MYRIP: variants seen among roughly 807,000 people sequenced by gnomAD.
The protein encoded by MYRIP is rab effector MyRIP.
Under a neutral mutation model 98.0 loss-of-function variants are expected in MYRIP, and 49 were observed. That is an observed-to-expected ratio of 0.50 (90% confidence interval 0.40 to 0.63). The LOEUF is 0.63. Among genes scored for constraint, MYRIP ranks in the 30% least tolerant of loss-of-function variants. The probability of loss-of-function intolerance (pLI) is 0.00; values close to 1 mark genes in which losing one functional copy is unlikely to be tolerated. For missense variants in MYRIP, 1,004 were observed against 1,058.2 expected (o/e 0.95, Z 0.71); for synonymous variants, 404 against 409.5 (o/e 0.99, Z 0.16).
At chr3:39,939,010 C>T (rs915251387) in intron 2 of MYRIP, among the ~76,000 whole-genome samples, 2 of 152,148 alleles carry the variant, frequency 1.3e-5, no homozygotes, top group African/African-American at 4.8e-5. Flanking sequence ...TGATGACCCA[C>T]ACCGTCCAGC....
intron 10 of MYRIP, 64 bp downstream of exon 10, chr3:40,190,527 G>A (rs959487283): frequency 1.9e-5 from 29 of 1,511,164 alleles, no homozygotes; most frequent in Non-Finnish European, 2.5e-5. Flanking sequence ...CCTACTCCAA[G>A]CACAAGTGGC....
intron 1 of MYRIP, among the ~76,000 whole-genome samples, chr3:39,885,909 T>C (rs1943287454): frequency 6.6e-6 from 1 of 152,050 alleles, no homozygotes; most frequent in African/African-American, 2.4e-5. Flanking sequence ...TAAATTTTTT[T>C]CAAAGTTTTC....
chr3:40,023,736 TAC>T (rs1035930874), intron 2 of MYRIP, among the ~76,000 whole-genome samples: 1 of 152,170 alleles, frequency 6.6e-6, no homozygotes, highest in African/African-American at 2.4e-5. Context: ...CCCCCTGTGC[TAC>T]ACAGAGGAGA....
chr3:39,886,929 A>C (rs1379844966), intron 1 of MYRIP, among the ~76,000 whole-genome samples: 1 of 152,120 alleles, frequency 6.6e-6, no homozygotes, highest in Admixed American at 6.5e-5. Flanking sequence ...AATTGACCAC[A>C]TAGTTGGAAG....
At chr3:40,024,203 A>G (rs186837987) in intron 2 of MYRIP, among the ~76,000 whole-genome samples, 14 of 152,310 alleles carry the variant, frequency 9.2e-5, no homozygotes, top group Non-Finnish European at 1.9e-4. Context: ...CTACTGCTCA[A>G]ATGAAGTCAT....
At chr3:40,162,894 A>C (rs1367591303) in intron 5 of MYRIP, 84 bp downstream of exon 5, 2 of 1,271,074 alleles carry the variant, frequency 1.6e-6, no homozygotes, top group Non-Finnish European at 1.1e-6. Flanking sequence ...AGGGTCCCCC[A>C]GATGCATTGT....
Position 40,061,657 on chromosome 3 carries a change from C to T in MYRIP, c.332+17386C>T, listed in dbSNP as rs536177817. Among the ~76,000 whole-genome samples, 5 of 152,302 alleles carry T rather than the reference C, an allele frequency of 3.3e-5. No individual in the cohort carries two copies. In the South Asian group the frequency reaches 6.2e-4, roughly 19 times the overall value. ...TGTTTTTAGTTCTTTGAGGAATTGC[C>T]ATACTGCTTTCCACGATGACTGAAC... On this transcript the variant is annotated intron_variant, in intron 3 of 16. Coordinates refer to ENST00000302541, the MANE Select transcript of MYRIP (RefSeq NM_015460.4).
intron 13 of MYRIP, among the ~76,000 whole-genome samples, chr3:40,247,739 G>A (rs1031467083): frequency 1.6e-4 from 24 of 152,298 alleles, no homozygotes; most frequent in Middle Eastern, 3.4e-3. Flanking sequence ...GGTCAGGCTG[G>A]TCTCAAACTC....
rs1467788370 is a variant in MYRIP, at chr3:40,259,432, A to C, written c.*1266A>C. ...AATATGTGTTAAGTGCCTGCTCTGA[A>C]GGAGGCAATGTTCTTCTCATTTGAA... On this transcript the variant is annotated 3_prime_UTR_variant, in exon 17 of 17. Coordinates refer to ENST00000302541, the MANE Select transcript of MYRIP (RefSeq NM_015460.4). 6.6e-6 allele frequency: 1 copy of C among 152,232 alleles called. No individual in the cohort carries two copies. Among genetic ancestry groups the C allele is most frequent in the Non-Finnish European group, 1.5e-5 (1 of 68,030 alleles). The allele number at this position is 152,232 out of a possible 1,614,324, so 9.4% of individuals were successfully genotyped here. A position where few individuals can be genotyped will look rare whatever the true frequency, so the allele number is the denominator to read the frequency against.
intron 1 of MYRIP, among the ~76,000 whole-genome samples, chr3:39,873,482 T>TC (rs1942871751): frequency 6.6e-6 from 1 of 152,226 alleles, no homozygotes; most frequent in Non-Finnish European, 1.5e-5. Flanking sequence ...GTCTAACGTT[T>TC]AAGTCTTTAA....
At chr3:40,221,443 C>T (rs139290616) in intron 11 of MYRIP, among the ~76,000 whole-genome samples, 19 of 152,224 alleles carry the variant, frequency 1.2e-4, no homozygotes, top group Non-Finnish European at 2.5e-4. Flanking sequence ...CCAGCTTGGG[C>T]GATGTAGCAA....
intron 1 of MYRIP, among the ~76,000 whole-genome samples, chr3:39,867,576 A>G (rs1300656512): frequency 6.6e-6 from 1 of 152,230 alleles, no homozygotes; most frequent in East Asian, 1.9e-4. Context: ...CATCACAGAA[A>G]TGCAAAGAAA....
chr3:39,861,605 G>A (rs987979539), intron 1 of MYRIP, among the ~76,000 whole-genome samples: 2 of 152,078 alleles, frequency 1.3e-5, no homozygotes, highest in Non-Finnish European at 2.9e-5. Flanking sequence ...TCAATAAAAT[G>A]ATACAGGAGA....
intron 3 of MYRIP, among the ~76,000 whole-genome samples, chr3:40,131,504 A>C (rs766166202): frequency 2.0e-5 from 3 of 152,204 alleles, no homozygotes; most frequent in Non-Finnish European, 4.4e-5. Context: ...CAAGTAAGTG[A>C]GGAGGGTAGA....
At chr3:39,964,634 G>A (rs1945397968) in intron 2 of MYRIP, among the ~76,000 whole-genome samples, 1 of 152,108 alleles carries the variant, frequency 6.6e-6, no homozygotes. Flanking sequence ...CTGCAGTGCT[G>A]TTTATAAAAT....
chr3:39,850,433 C>T (rs1575303744), intron 1 of MYRIP, among the ~76,000 whole-genome samples: 1 of 152,212 alleles, frequency 6.6e-6, no homozygotes, highest in South Asian at 2.1e-4. Flanking sequence ...ACTAGGAGAA[C>T]CTTCTGAGGT....
rs1177313553 is a variant in MYRIP at position 40,144,024 on chromosome 3, G to A, written c.333-7024G>A. ...TAAGCAATGAATGGAGAACTCATCCGATGATGCACTTGAAGTCTTCTCGGT... is the reference window on the plus strand; with the variant it reads ...TAAGCAATGAATGGAGAACTCATCCAATGATGCACTTGAAGTCTTCTCGGT... On this transcript the variant is annotated intron_variant, in intron 3 of 16. Coordinates refer to ENST00000302541, the MANE Select transcript of MYRIP (RefSeq NM_015460.4). Among the ~76,000 whole-genome samples, 4 of 152,196 alleles carry A rather than the reference G, an allele frequency of 2.6e-5. No homozygotes were observed. In the East Asian group the frequency reaches 7.7e-4, roughly 29 times the overall value.
chr3:39,837,282 T>A (rs185229025), intron 1 of MYRIP, among the ~76,000 whole-genome samples: 2 of 152,356 alleles, frequency 1.3e-5, no homozygotes, highest in Non-Finnish European at 2.9e-5. Context: ...AGTCATGAAG[T>A]CTTTGCCCTT....
chr3:40,249,285 C>T (rs1406124634), intron 13 of MYRIP, among the ~76,000 whole-genome samples: 2 of 152,200 alleles, frequency 1.3e-5, no homozygotes, highest in African/African-American at 4.8e-5. Context: ...CTTGACTCTG[C>T]TAGCCTTTCC....
Sources: allele counts gnomAD v4.1 joint callset (sites outside exome capture counted in the v4.1 genomes callset), GRCh38; gene constraint gnomAD v4.1.1; transcripts MANE v1.5; gene names NCBI Gene and HGNC (gene_info 2026-07-23, HGNC 2026-07-21).